NDUFA5: variants seen among roughly 807,000 people sequenced by gnomAD.
NDUFA5 encodes the protein NADH:ubiquinone oxidoreductase subunit A5.
A neutral mutation model predicts 19.8 loss-of-function variants in NDUFA5; 11 were observed. The ratio of observed to expected loss-of-function variants is 0.56; its 90% CI spans 0.35 to 0.92. NDUFA5 has a LOEUF of 0.92. Among genes scored for constraint, NDUFA5 ranks in the 40% least tolerant of loss-of-function variants. NDUFA5 has a pLI of 0.01. For synonymous variants in NDUFA5, 47 were observed against 46.8 expected (o/e 1.00, Z -0.01); for missense variants, 109 against 134.2 (o/e 0.81, Z 0.93).
At chr7:123,544,483 A>C (rs1408556791) in intron 4 of NDUFA5, among the ~76,000 whole-genome samples, 1 of 146,926 alleles carries the variant, frequency 6.8e-6, no homozygotes. Flanking sequence ...GGGCAACAAG[A>C]GCAAAACTCC....
the NDUFA5 span, among the ~76,000 whole-genome samples, chr7:123,583,789 A>AG: frequency 6.6e-6 from 1 of 151,936 alleles, no homozygotes; most frequent in Non-Finnish European, 1.5e-5. Context: ...AGCAAAGTAG[A>AG]GGGGGGACAA....
chr7:123,568,575 T>C, the NDUFA5 span, among the ~76,000 whole-genome samples: 1 of 150,796 alleles, frequency 6.6e-6, no homozygotes, highest in African/African-American at 2.4e-5. Context: ...GAATATTAAA[T>C]ATTTCTAGCC....
upstream of NDUFA5, chr7:123,557,883 C>A (rs1798626237): frequency 6.2e-7 from 1 of 1,609,548 alleles, no homozygotes; most frequent in Non-Finnish European, 8.5e-7. Flanking sequence ...CACTCTGTCA[C>A]CCTGGAAACA....
At chr7:123,559,838 A>G (rs1049181401), upstream of NDUFA5, among the ~76,000 whole-genome samples, 2 of 149,470 alleles carry the variant, frequency 1.3e-5, no homozygotes, top group Non-Finnish European at 3.0e-5. Context: ...CCTGGGTGAC[A>G]GAGCAAGATT....
In NDUFA5 at chr7:123,538,747, T is replaced by C. The variant is rs1289312528; in HGVS notation, c.*3372A>G. 6.6e-6 allele frequency: 1 copy of C among 152,192 alleles called. No individual in the cohort carries two copies. The highest frequency in any genetic ancestry group is 1.5e-5 in the Non-Finnish European group (1 of 68,030). 9.4% of individuals were successfully genotyped at this position (152,192 alleles called of 1,614,324 possible). A position where few individuals can be genotyped will look rare whatever the true frequency, so the allele number is the denominator to read the frequency against. On this transcript the variant is annotated 3_prime_UTR_variant, in exon 5 of 5. Transcript: ENST00000355749. ...CTCAGCAAATCCAAAATACTAGTGA[T>C]ATGTTCAGCAATTTGGTACTTAATC...
At chr7:123,569,688 A>G in the NDUFA5 span, among the ~76,000 whole-genome samples, 1 of 152,216 alleles carries the variant, frequency 6.6e-6, no homozygotes, top group East Asian at 1.9e-4. Flanking sequence ...CCACAGTAGC[A>G]CAAGGCCAGT....
the NDUFA5 span, among the ~76,000 whole-genome samples, chr7:123,586,170 G>T: frequency 1.0e-3 from 152 of 151,734 alleles, no homozygotes; most frequent in Non-Finnish European, 1.8e-3. Context: ...TTCCATAATG[G>T]CTGTACGAAT....
intron 2 of NDUFA5, among the ~76,000 whole-genome samples, chr7:123,552,632 T>A (rs773163829): frequency 0.03 from 1,492 of 49,016 alleles, 30 homozygotes; most frequent in African/African-American, 0.11. Flanking sequence ...ACTTAAAGTA[T>A]AACTAAAAAA....
chr7:123,597,965 T>C, the NDUFA5 span, among the ~76,000 whole-genome samples: 1 of 151,514 alleles, frequency 6.6e-6, no homozygotes, highest in South Asian at 2.1e-4. Context: ...TGTGTGTCTT[T>C]GTTCTCTGAC....
At chr7:123,601,074 T>C in the NDUFA5 span, among the ~76,000 whole-genome samples, 2 of 152,230 alleles carry the variant, frequency 1.3e-5, no homozygotes, top group Admixed American at 6.5e-5. Context: ...GTGTAGGGGA[T>C]AGAGGCCAGA....
At chr7:123,546,270 A>G (rs1298497849) in intron 3 of NDUFA5, among the ~76,000 whole-genome samples, 2 of 152,156 alleles carry the variant, frequency 1.3e-5, no homozygotes, top group East Asian at 1.9e-4. Flanking sequence ...TATTAAGCAC[A>G]AGCCAGAGTA....
chr7:123,577,997 C>A, the NDUFA5 span, among the ~76,000 whole-genome samples: 1 of 151,630 alleles, frequency 6.6e-6, no homozygotes, highest in Non-Finnish European at 1.5e-5. Context: ...CACCCATCAA[C>A]CCATCACCTA....
Position 123,546,198 on chromosome 7 carries a change from C to T in NDUFA5, c.184-522G>A, listed in dbSNP as rs1011089895. ...TTAATTATAATATTTGGATATAATA[C>T]TTCACAGCAATGAAAATGAATAAAC... On this transcript the variant is annotated intron_variant, in intron 3 of 4. Transcript: ENST00000355749. 3.8e-4 allele frequency among the ~76,000 whole-genome samples: 58 copies of T among 152,176 alleles called. 1 individual carries two copies. The highest frequency in any genetic ancestry group is 5.9e-4 in the Admixed American group (9 of 15,282).
chr7:123,551,423 G>T, intron 2 of NDUFA5: 1 of 267,210 alleles, frequency 3.7e-6, no homozygotes, highest in Non-Finnish European at 5.8e-6. Context: ...TGGCCAGGAT[G>T]GTCTCAAACT....
At chr7:123,585,887 T>C in the NDUFA5 span, among the ~76,000 whole-genome samples, 2 of 151,852 alleles carry the variant, frequency 1.3e-5, no homozygotes, top group African/African-American at 4.8e-5. Context: ...GTTTCATTCA[T>C]GTTGTCACGA....
chr7:123,561,722 C>T (rs1252546017), upstream of NDUFA5, among the ~76,000 whole-genome samples: 1 of 152,022 alleles, frequency 6.6e-6, no homozygotes, highest in Non-Finnish European at 1.5e-5. Flanking sequence ...CTCAGCCTCC[C>T]GAGTAGCTGG....
chr7:123,553,130 G>C (rs535842317), intron 2 of NDUFA5, among the ~76,000 whole-genome samples: 8 of 152,158 alleles, frequency 5.3e-5, no homozygotes, highest in African/African-American at 1.7e-4. Flanking sequence ...AGATAGACTG[G>C]ACATGGATCA....
chr7:123,578,138 AC>A, the NDUFA5 span, among the ~76,000 whole-genome samples: 1 of 150,608 alleles, frequency 6.6e-6, no homozygotes, highest in African/African-American at 2.4e-5. Flanking sequence ...GAATAAAAGG[AC>A]AAATGAATAG....
At chr7:123,588,476 CTT>C in the NDUFA5 span, among the ~76,000 whole-genome samples, 8 of 151,348 alleles carry the variant, frequency 5.3e-5, no homozygotes, top group Non-Finnish European at 1.0e-4. Context: ...GATCTTTTCT[CTT>C]GTTTGTCTTA....
Sources: gnomAD v4.1 joint callset for allele counts (sites outside exome capture counted in the v4.1 genomes callset) on GRCh38, gnomAD v4.1.1 for gene constraint, MANE v1.5 for transcripts, NCBI Gene and HGNC (gene_info 2026-07-23, HGNC 2026-07-21) for gene names.